Variants in CPNE1 observed in about 807,000 individuals in gnomAD.
The protein encoded by CPNE1 is copine-1.
A neutral mutation model predicts 63.2 loss-of-function variants in CPNE1; 58 were observed. The observed-to-expected ratio is 0.92, with a 90% confidence interval of 0.74 to 1.14. CPNE1 has a LOEUF of 1.14. Ranked by LOEUF, CPNE1 falls within the 50% of genes most tolerant of loss-of-function variation. The probability of loss-of-function intolerance (pLI) is 0.00; values close to 1 mark genes in which losing one functional copy is unlikely to be tolerated. For missense variants in CPNE1, 672 were observed against 661.7 expected (o/e 1.02, Z -0.17); for synonymous variants, 237 against 249.0 (o/e 0.95, Z 0.45).
intron 1 of CPNE1, among the ~76,000 whole-genome samples, chr20:35,640,502 C>T (rs778085721): frequency 1.3e-5 from 2 of 152,030 alleles, no homozygotes; most frequent in African/African-American, 2.4e-5. Context: ...CTTTCATCAC[C>T]GAGCACATCT....
At chr20:35,651,037 G>GA (rs1387289395) in intron 1 of CPNE1, 1 of 152,330 alleles carries the variant, frequency 6.6e-6, no homozygotes, top group Non-Finnish European at 1.5e-5. Context: ...ATTGACTAGG[G>GA]AAAGTAACCA....
chr20:35,633,022 A>G, intron 1 of CPNE1, 99 bp from the exon 2 acceptor site: 1 of 782,800 alleles, frequency 1.3e-6, no homozygotes. Context: ...TCACCCAGGC[A>G]GGGCTGAGCA....
intron 14 of CPNE1, 119 bp downstream of exon 14, chr20:35,627,161 C>T (rs2031802316): frequency 2.6e-5 from 27 of 1,027,388 alleles, no homozygotes; most frequent in Non-Finnish European, 3.5e-5. Context: ...GCACTCCAGC[C>T]TGGGTGACAG....
At chr20:35,638,887 A>G (rs1485304250) in intron 1 of CPNE1, among the ~76,000 whole-genome samples, 1 of 152,208 alleles carries the variant, frequency 6.6e-6, no homozygotes, top group African/African-American at 2.4e-5. Context: ...GGCAAAACGA[A>G]TCTGTGATGT....
chr20:35,652,743 C>T (rs1377332649), intron 1 of CPNE1: 1 of 1,613,710 alleles, frequency 6.2e-7, no homozygotes, highest in East Asian at 2.2e-5. Context: ...GCATGTTTTG[C>T]ACTTTAATTA....
chr20:35,652,654 T>C, intron 1 of CPNE1: 3 of 1,614,226 alleles, frequency 1.9e-6, no homozygotes, highest in Non-Finnish European at 2.5e-6. Flanking sequence ...TTTTTCATTG[T>C]ATTTTAAACA....
intron 1 of CPNE1, chr20:35,655,463 G>A: frequency 4.9e-6 from 4 of 815,804 alleles, no homozygotes; most frequent in Admixed American, 3.2e-5. Flanking sequence ...GCTATCACAG[G>A]CAATGTCTTT....
intron 12 of CPNE1, 121 bp from the exon 13 acceptor site, chr20:35,630,611 G>T: frequency 7.0e-7 from 1 of 1,437,596 alleles, no homozygotes; most frequent in Non-Finnish European, 9.8e-7. Flanking sequence ...TGCTGTCTAC[G>T]TGCCTGCAGG....
At chr20:35,630,092 G>C (rs995534471) in intron 13 of CPNE1, among the ~76,000 whole-genome samples, 2 of 152,042 alleles carry the variant, frequency 1.3e-5, no homozygotes, top group South Asian at 4.1e-4. Context: ...TCAGGAATTC[G>C]AGACCACCCT....
chr20:35,658,743 G>A (rs1485306414), intron 1 of CPNE1, among the ~76,000 whole-genome samples: 5 of 151,758 alleles, frequency 3.3e-5, no homozygotes, highest in African/African-American at 9.7e-5. Context: ...CTGGGCAACA[G>A]AGTCTAGCCT....
At chr20:35,647,625 GT>G (rs1174848666) in intron 1 of CPNE1, among the ~76,000 whole-genome samples, 6 of 152,154 alleles carry the variant, frequency 3.9e-5, no homozygotes, top group Non-Finnish European at 7.4e-5. Context: ...AGTATGTAGA[GT>G]AGCAAGCCAC....
At chr20:35,626,499 C>T in intron 15 of CPNE1, 68 bp downstream of exon 15, 5 of 1,589,524 alleles carry the variant, frequency 3.1e-6, no homozygotes, top group Non-Finnish European at 4.3e-6. Context: ...ATCCCTTGGG[C>T]CTCAACCCTA....
intron 1 of CPNE1, among the ~76,000 whole-genome samples, chr20:35,648,767 G>A (rs1490760127): frequency 6.6e-6 from 1 of 152,112 alleles, no homozygotes; most frequent in Non-Finnish European, 1.5e-5. Flanking sequence ...CTCTTCTCTT[G>A]ACACTTCAGC....
rs141628730 is a variant in CPNE1, at chr20:35,660,359, G to A, written c.-1+4401C>T. Among the ~76,000 whole-genome samples the A allele has an allele frequency of 2.9e-3, 445 of 152,200 alleles. 1 individual carries two copies. The highest frequency in any genetic ancestry group is 0.01 in the African/African-American group (416 of 41,528). On this transcript the variant is annotated intron_variant, in intron 1 of 15. Coordinates refer to ENST00000397443, the MANE Select transcript of CPNE1 (RefSeq NM_152925.3). ...TCTGGAGTAGCTGGGACTGACTACA[G>A]GCTTGCGCCACCACCCGCAGCTTAT...
chr20:35,654,490 C>G, intron 1 of CPNE1: 1 of 1,614,156 alleles, frequency 6.2e-7, no homozygotes, highest in South Asian at 1.1e-5. Context: ...ATTCAACGGA[C>G]CAAGAAACAT....
chr20:35,654,961 G>T, intron 1 of CPNE1: 1 of 1,614,164 alleles, frequency 6.2e-7, no homozygotes, highest in Non-Finnish European at 8.5e-7. Flanking sequence ...GGATACTGTT[G>T]TGGGCAAGTT....
At chr20:35,652,812 T>TGGGCCG (rs1568933455) in intron 1 of CPNE1, 1 of 1,587,810 alleles carries the variant, frequency 6.3e-7, no homozygotes, top group Non-Finnish European at 8.6e-7. Flanking sequence ...CAATATGGAT[T>TGGGCCG]GGGCCAGGGC....
At chr20:35,655,595 G>GA (rs1203455117) in intron 1 of CPNE1, among the ~76,000 whole-genome samples, 1 of 151,908 alleles carries the variant, frequency 6.6e-6, no homozygotes, top group African/African-American at 2.4e-5. Context: ...AAAAGTTCAA[G>GA]AAAAAACAAC....
In CPNE1 at chr20:35,630,896, C is replaced by A. The variant is rs764532013; in HGVS notation, c.995+5G>T. Reference sequence around the variant, plus strand: ...CGGGTATAGCCCAGAGAAGCAGGTACTCACGAGTCATAGTCCTGAACCACG... The same window carrying A: ...CGGGTATAGCCCAGAGAAGCAGGTAATCACGAGTCATAGTCCTGAACCACG... On this transcript the variant is annotated splice_donor_5th_base_variant and intron_variant, in intron 11 of 15. Coordinates refer to ENST00000397443, the MANE Select transcript of CPNE1 (RefSeq NM_152925.3). 1 of 1,604,146 alleles carries A rather than the reference C, an allele frequency of 6.2e-7. No homozygotes were observed. Among genetic ancestry groups the A allele is most frequent in the South Asian group, 1.1e-5 (1 of 89,690 alleles).
Sources: gnomAD v4.1 joint callset for allele counts (sites outside exome capture counted in the v4.1 genomes callset) on GRCh38, gnomAD v4.1.1 for gene constraint, MANE v1.5 for transcripts, NCBI Gene and HGNC (gene_info 2026-07-23, HGNC 2026-07-21) for gene names.